METTL15: variants seen among roughly 807,000 people sequenced by gnomAD.
The protein encoded by METTL15 is 12S rRNA N(4)-cytidine methyltransferase METTL15.
In METTL15, 34 loss-of-function variants were observed where a neutral mutation model predicts 38.3. The ratio of observed to expected loss-of-function variants is 0.89; its 90% CI spans 0.68 to 1.18. The LOEUF is 1.18. Ranked by LOEUF, METTL15 falls within the 50% of genes most tolerant of loss-of-function variation. The probability of loss-of-function intolerance (pLI) is 0.00; values close to 1 mark genes in which losing one functional copy is unlikely to be tolerated. For synonymous variants in METTL15, 162 were observed against 170.9 expected (o/e 0.95, Z 0.41); for missense variants, 438 against 498.4 (o/e 0.88, Z 1.15).
chr11:28,358,961 T>A (rs184374212), intron 4 of METTL15, among the ~76,000 whole-genome samples: 151 of 152,294 alleles, frequency 9.9e-4, no homozygotes, highest in African/African-American at 1.9e-3. Flanking sequence ...ATTCAGAGGG[T>A]ACATGTGTAG....
At chr11:28,276,436 A>T (rs983437965) in intron 4 of METTL15, among the ~76,000 whole-genome samples, 2 of 152,168 alleles carry the variant, frequency 1.3e-5, no homozygotes, top group African/African-American at 2.4e-5. Context: ...CATGAAGTAA[A>T]TTGAAGATGA....
chr11:28,523,441 C>T (rs896218984), intron 6 of METTL15, among the ~76,000 whole-genome samples: 65 of 152,202 alleles, frequency 4.3e-4, no homozygotes, highest in East Asian at 1.9e-4. Flanking sequence ...AATGGCAGAA[C>T]GACATATTGG....
intron 5 of METTL15, among the ~76,000 whole-genome samples, chr11:28,400,229 T>A (rs188145348): frequency 1.6e-5 from 2 of 122,298 alleles, no homozygotes; most frequent in Admixed American, 1.9e-4. Context: ...AAAGCAAATT[T>A]TCTCTTTTTT....
intron 6 of METTL15, among the ~76,000 whole-genome samples, chr11:28,297,877 C>T (rs973305809): frequency 3.1e-4 from 47 of 152,034 alleles, no homozygotes; most frequent in African/African-American, 1.1e-3. Context: ...TTGGCTGTCT[C>T]TTTCTTAATA....
chr11:28,213,892 T>C (rs914735389), intron 4 of METTL15, among the ~76,000 whole-genome samples: 2 of 151,952 alleles, frequency 1.3e-5, no homozygotes, highest in African/African-American at 4.8e-5. Context: ...CCTGACCTCA[T>C]GATCCGCCCG....
At chr11:28,269,127 C>T (rs777833195) in intron 4 of METTL15, among the ~76,000 whole-genome samples, 2 of 151,500 alleles carry the variant, frequency 1.3e-5, no homozygotes, top group Non-Finnish European at 2.9e-5. Context: ...TACCTGAAAC[C>T]CCAAGTGATC....
rs780848076 is a variant in METTL15 at position 28,452,077 on chromosome 11, G to C, written c.*424+27713G>C. 4.6e-5 allele frequency among the ~76,000 whole-genome samples: 7 copies of C among 152,278 alleles called. No homozygotes were observed. The South Asian group carries it at 1.2e-3, about 27-fold the overall frequency. ...CTGGCTGAGTGGAAGTGTTTTGGGG[G>C]ACCCTGGTAGACATATTCCACCTTT... On this transcript the variant is annotated intron_variant and NMD_transcript_variant, in intron 6 of 7. Coordinates refer to the METTL15 transcript ENST00000532947.
chr11:28,483,081 T>C (rs2133474930), intron 6 of METTL15, among the ~76,000 whole-genome samples: 1 of 152,230 alleles, frequency 6.6e-6, no homozygotes, highest in South Asian at 2.1e-4. Context: ...AGGAACTGTA[T>C]TTTTTACTAG....
intron 4 of METTL15, among the ~76,000 whole-genome samples, chr11:28,216,716 C>G (rs1226907762): frequency 8.7e-6 from 1 of 114,426 alleles, no homozygotes; most frequent in Non-Finnish European, 1.7e-5. Context: ...CCCCCCTCCC[C>G]CCACCCCACA....
chr11:28,506,807 C>G (rs1397220020), intron 6 of METTL15, among the ~76,000 whole-genome samples: 1 of 145,072 alleles, frequency 6.9e-6, no homozygotes, highest in Non-Finnish European at 1.5e-5. Flanking sequence ...TGCAGTGGCA[C>G]AATCTTGGCT....
In METTL15 at chr11:28,503,083, G is replaced by A. The variant is rs537914678; in HGVS notation, c.*425-23395G>A. Among the ~76,000 whole-genome samples, 13 of 152,266 alleles carry A rather than the reference G, an allele frequency of 8.5e-5. No homozygotes were observed. In the East Asian group the frequency reaches 2.1e-3, roughly 25 times the overall value. On this transcript the variant is annotated intron_variant and NMD_transcript_variant, in intron 6 of 7. Transcript: ENST00000532947. The stretch of plus-strand genomic sequence containing the variant: ...GCTCTCCTCCACATTGTCCTTGAAC[G>A]CCTCCCAGGACTCAGGCATTAGATG...
intron 4 of METTL15, among the ~76,000 whole-genome samples, chr11:28,217,721 G>A (rs183009425): frequency 4.8e-4 from 73 of 152,212 alleles, no homozygotes; most frequent in Non-Finnish European, 4.6e-4. Flanking sequence ...AATCCATTTG[G>A]AATTAATTTT....
At chr11:28,144,082 T>C (rs1462982099) in intron 3 of METTL15, among the ~76,000 whole-genome samples, 3 of 152,194 alleles carry the variant, frequency 2.0e-5, no homozygotes, top group African/African-American at 4.8e-5. Flanking sequence ...TCTGGGAGGA[T>C]GAGAGACAAG....
intron 4 of METTL15, among the ~76,000 whole-genome samples, chr11:28,228,609 T>G (rs74986533): frequency 6.6e-6 from 1 of 151,836 alleles, no homozygotes; most frequent in Non-Finnish European, 1.5e-5. Flanking sequence ...TACATATATA[T>G]GTATTGTAAG....
chr11:28,141,011 C>A (rs1220721535), intron 3 of METTL15, among the ~76,000 whole-genome samples: 1 of 152,116 alleles, frequency 6.6e-6, no homozygotes, highest in Non-Finnish European at 1.5e-5. Flanking sequence ...TTCTTCTTGC[C>A]CGATGCCCAG....
chr11:28,265,705 G>A (rs192026080), intron 4 of METTL15, among the ~76,000 whole-genome samples: 110 of 151,850 alleles, frequency 7.2e-4, no homozygotes, highest in Admixed American at 7.2e-4. Context: ...GAATGATTTC[G>A]TGCACTGTCT....
At chr11:28,460,676 G>C (rs1367077337) in intron 6 of METTL15, among the ~76,000 whole-genome samples, 3 of 152,036 alleles carry the variant, frequency 2.0e-5, no homozygotes, top group Non-Finnish European at 4.4e-5. Flanking sequence ...GGGAGAAGTA[G>C]ATCAAAGATA....
At chr11:28,514,591 C>T (rs1409925024) in intron 6 of METTL15, among the ~76,000 whole-genome samples, 1 of 152,166 alleles carries the variant, frequency 6.6e-6, no homozygotes, top group African/African-American at 2.4e-5. Flanking sequence ...AATTCATCCC[C>T]CGCACTTACA....
At chr11:28,118,370 T>C (rs917472261) in intron 3 of METTL15, among the ~76,000 whole-genome samples, 1 of 152,178 alleles carries the variant, frequency 6.6e-6, no homozygotes, top group African/African-American at 2.4e-5. Flanking sequence ...TCTTGGAAGG[T>C]ATTTAAAATT....
Sources: allele counts gnomAD v4.1 joint callset (sites outside exome capture counted in the v4.1 genomes callset), GRCh38; gene constraint gnomAD v4.1.1; transcripts MANE v1.5; gene names NCBI Gene and HGNC (gene_info 2026-07-23, HGNC 2026-07-21).